Variants in ERBB4 observed in about 807,000 individuals in gnomAD.
ERBB4 encodes the protein receptor tyrosine-protein kinase erbB-4.
Under a neutral mutation model 158.0 loss-of-function variants are expected in ERBB4, and 42 were observed. The observed-to-expected ratio is 0.27, with a 90% CI of 0.21 to 0.34. The LOEUF is 0.34. Ranked by LOEUF, ERBB4 falls within the 10% of genes least tolerant of loss-of-function variation. ERBB4 has a pLI of 1.00. For missense variants in ERBB4, 1,333 were observed against 1,624.1 expected, an observed-to-expected ratio of 0.82 and a Z score of 3.08; for synonymous variants, 583 against 558.7, an observed-to-expected ratio of 1.04 and a Z score of -0.61.
chr2:212,495,918 CA>C (rs1281437710), intron 1 of ERBB4, among the ~76,000 whole-genome samples: 1 of 152,094 alleles, frequency 6.6e-6, no homozygotes, highest in African/African-American at 2.4e-5. Flanking sequence ...TTCTCCCTCA[CA>C]AAAATAACAA....
chr2:212,419,856 G>A (rs2091753855), intron 1 of ERBB4, among the ~76,000 whole-genome samples: 2 of 151,726 alleles, frequency 1.3e-5, no homozygotes, highest in Non-Finnish European at 3.0e-5. Flanking sequence ...AAACCTTCTT[G>A]CATTGAAACA....
intron 19 of ERBB4, among the ~76,000 whole-genome samples, chr2:211,607,888 T>TCC (rs35895749): frequency 2.5e-5 from 3 of 118,864 alleles, no homozygotes; most frequent in East Asian, 5.0e-4. Context: ...TTTTTTTTTT[T>TCC]AGACAGGGTC....
At chr2:212,285,830 T>C (rs1271652891) in intron 1 of ERBB4, among the ~76,000 whole-genome samples, 1 of 152,200 alleles carries the variant, frequency 6.6e-6, no homozygotes, top group African/African-American at 2.4e-5. Context: ...TATATAACTC[T>C]AGACTCTCTA....
At chr2:212,177,378 T>C (rs931848514) in intron 1 of ERBB4, among the ~76,000 whole-genome samples, 11 of 151,976 alleles carry the variant, frequency 7.2e-5, no homozygotes, top group African/African-American at 2.4e-4. Flanking sequence ...TTGAAATTTA[T>C]ACTTTTTAAT....
At chr2:212,155,398 T>G (rs548996753) in intron 1 of ERBB4, among the ~76,000 whole-genome samples, 33 of 152,220 alleles carry the variant, frequency 2.2e-4, no homozygotes, top group African/African-American at 7.7e-4. Flanking sequence ...TTATTCTATA[T>G]TCTAAGCTTT....
chr2:211,668,679 A>G (rs2105927455), intron 14 of ERBB4, among the ~76,000 whole-genome samples: 1 of 152,194 alleles, frequency 6.6e-6, no homozygotes, highest in Non-Finnish European at 1.5e-5. Flanking sequence ...ATTATCTTCT[A>G]TTCCAGTCAC....
At chr2:211,430,812 G>T (rs1460988129) in intron 21 of ERBB4, 133 bp downstream of exon 21, 1 of 756,508 alleles carries the variant, frequency 1.3e-6, no homozygotes, top group South Asian at 1.5e-5. Context: ...GGCAGGAGAA[G>T]AGGCAAATGG....
chr2:211,887,158 G>A (rs371953954), intron 3 of ERBB4, among the ~76,000 whole-genome samples: 6 of 151,924 alleles, frequency 3.9e-5, no homozygotes, highest in African/African-American at 1.4e-4. Flanking sequence ...TCAGGCTCCT[G>A]TACCAGTTAG....
At chr2:211,672,634 A>G (rs1303335664) in intron 14 of ERBB4, among the ~76,000 whole-genome samples, 1 of 152,196 alleles carries the variant, frequency 6.6e-6, no homozygotes, top group African/African-American at 2.4e-5. Flanking sequence ...CAACAGTTAA[A>G]GGATTAAATG....
At chr2:212,471,605 C>A (rs1017968285) in intron 1 of ERBB4, among the ~76,000 whole-genome samples, 2 of 151,822 alleles carry the variant, frequency 1.3e-5, no homozygotes, top group Admixed American at 6.6e-5. Flanking sequence ...GTGGATAAGA[C>A]CAGATTGTTT....
Position 211,978,396 on chromosome 2 carries a change from G to GTCTGTCTATCTATCTA in ERBB4, c.235-30781_235-30780insTAGATAGATAGACAGA, listed in dbSNP as rs77259627. ...TGTCTGTCTGTCTGTCTGTCTGTCT[G>GTCTGTCTATCTATCTA]TCTATCTATCTATCTATCTATCTAT... On this transcript the variant is annotated intron_variant, in intron 2 of 27. Coordinates refer to ENST00000342788, the MANE Select transcript of ERBB4 (RefSeq NM_005235.3). 7.4e-3 allele frequency among the ~76,000 whole-genome samples: 1,007 copies of GTCTGTCTATCTATCTA among 136,550 alleles called. 3 individuals are homozygous for GTCTGTCTATCTATCTA. The highest frequency in any genetic ancestry group is 0.011 in the South Asian group (43 of 3,908). The allele number at this position is 136,550 out of a possible 152,430, so 89.6% of individuals were successfully genotyped here. A position where few individuals can be genotyped will look rare whatever the true frequency, so the allele number is the denominator to read the frequency against.
chr2:211,714,736 C>T (rs958357019), intron 7 of ERBB4, among the ~76,000 whole-genome samples: 3 of 152,262 alleles, frequency 2.0e-5, no homozygotes, highest in Admixed American at 1.3e-4. Flanking sequence ...CCAGAATTGC[C>T]TATCATGAAC....
At chr2:211,714,570 T>A (rs2073831945) in intron 7 of ERBB4, among the ~76,000 whole-genome samples, 1 of 152,138 alleles carries the variant, frequency 6.6e-6, no homozygotes, top group African/African-American at 2.4e-5. Context: ...CCATGTAGAT[T>A]TATGGCAAGT....
At chr2:212,194,758 G>T (rs2082372718) in intron 1 of ERBB4, among the ~76,000 whole-genome samples, 1 of 151,922 alleles carries the variant, frequency 6.6e-6, no homozygotes, top group African/African-American at 2.4e-5. Flanking sequence ...ATATCTGAAG[G>T]TTTTTAAGAA....
chr2:212,290,900 C>T (rs1037287334), intron 1 of ERBB4, among the ~76,000 whole-genome samples: 27 of 151,762 alleles, frequency 1.8e-4, no homozygotes, highest in African/African-American at 6.0e-4. Context: ...TTTAACGGAA[C>T]AAGATTGAAA....
At chr2:212,169,715 T>A (rs562993292) in intron 1 of ERBB4, among the ~76,000 whole-genome samples, 115 of 152,236 alleles carry the variant, frequency 7.6e-4, no homozygotes, top group Admixed American at 4.1e-3. Context: ...GGGAGGTGAT[T>A]GGATCATGGC....
chr2:211,648,224 C>T (rs551359577), intron 16 of ERBB4, among the ~76,000 whole-genome samples: 1 of 151,792 alleles, frequency 6.6e-6, no homozygotes, highest in African/African-American at 2.4e-5. Flanking sequence ...TTCTCCATCT[C>T]AGTTTATGAC....
chr2:211,881,913 T>TG (rs1293171532), intron 3 of ERBB4, among the ~76,000 whole-genome samples: 2 of 152,266 alleles, frequency 1.3e-5, no homozygotes, highest in African/African-American at 4.8e-5. Flanking sequence ...GCAGTCTTTT[T>TG]GGGGGGATGC....
At chr2:212,123,222 T>C (rs962341721) in intron 2 of ERBB4, among the ~76,000 whole-genome samples, 1 of 151,964 alleles carries the variant, frequency 6.6e-6, no homozygotes, top group African/African-American at 2.4e-5. Context: ...GCTAACACAG[T>C]GAAACTCCTG....
Sources: gnomAD v4.1 joint callset for allele counts (sites outside exome capture counted in the v4.1 genomes callset) on GRCh38, gnomAD v4.1.1 for gene constraint, MANE v1.5 for transcripts, NCBI Gene and HGNC (gene_info 2026-07-23, HGNC 2026-07-21) for gene names.